PARD3B: variants seen among roughly 807,000 people sequenced by gnomAD.
The protein encoded by PARD3B is partitioning defective 3 homolog B.
A neutral mutation model predicts 130.2 loss-of-function variants in PARD3B; 103 were observed. That is an observed-to-expected ratio of 0.79 (90% CI 0.67 to 0.93). The LOEUF (loss-of-function observed/expected upper bound fraction) is 0.93. Ranked by LOEUF, PARD3B falls within the 40% of genes least tolerant of loss-of-function variation. The pLI is 0.00. For synonymous variants in PARD3B, 583 were observed against 553.2 expected (o/e 1.05, Z -0.76); for missense variants, 1,609 against 1,499.2 (o/e 1.07, Z -1.21).
At chr2:204,901,895 AG>A (rs1559242356) in intron 2 of PARD3B, among the ~76,000 whole-genome samples, 1 of 152,094 alleles carries the variant, frequency 6.6e-6, no homozygotes, top group East Asian at 1.9e-4. Flanking sequence ...AATGTTGTTT[AG>A]AAGCTATGCC....
At chr2:204,620,371 G>A (rs187931088) in intron 1 of PARD3B, among the ~76,000 whole-genome samples, 2 of 152,196 alleles carry the variant, frequency 1.3e-5, no homozygotes, top group African/African-American at 4.8e-5. Context: ...TGGGTTACAG[G>A]TGTGAGCCAC....
At chr2:204,579,959 T>C (rs928036346) in intron 1 of PARD3B, among the ~76,000 whole-genome samples, 2 of 152,258 alleles carry the variant, frequency 1.3e-5, no homozygotes, top group African/African-American at 4.8e-5. Flanking sequence ...TTGTGTTTCC[T>C]TGAATGACTC....
chr2:204,986,101 C>CA (rs371839271), intron 3 of PARD3B, among the ~76,000 whole-genome samples: 29,749 of 51,414 alleles, frequency 0.58, 8,084 homozygotes, highest in Admixed American at 0.65. Context: ...ACTCTGTCTC[C>CA]AAAAAAAAAA....
At chr2:204,792,402 T>A (rs949239376) in intron 2 of PARD3B, among the ~76,000 whole-genome samples, 1 of 144,072 alleles carries the variant, frequency 6.9e-6, no homozygotes, top group African/African-American at 3.0e-5. Flanking sequence ...AATCTTAAAA[T>A]AAATCACTGG....
intron 2 of PARD3B, among the ~76,000 whole-genome samples, chr2:204,793,609 G>A (rs1183069549): frequency 6.6e-6 from 1 of 152,144 alleles, no homozygotes; most frequent in East Asian, 1.9e-4. Context: ...CCAGGTTCAA[G>A]TGATTCTCCT....
Position 205,105,471 on chromosome 2 carries a change from T to A in PARD3B, c.593+957T>A, listed in dbSNP as rs1703133939. 6.6e-6 allele frequency among the ~76,000 whole-genome samples: 1 copy of A among 152,208 alleles called. No individual in the cohort carries two copies. The highest frequency in any genetic ancestry group is 1.5e-5 in the Non-Finnish European group (1 of 68,030). The stretch of plus-strand genomic sequence containing the variant: ...ATAATTATTCATGCAGTTGACGTAT[T>A]CCTTTCATTTAGTCCAAACAATTAA... On this transcript the variant is annotated intron_variant, in intron 5 of 22. Coordinates refer to ENST00000406610, the MANE Select transcript of PARD3B (RefSeq NM_001302769.2). The surrounding 1 kb of genome is among the most constrained non-coding windows in gnomAD (Gnocchi z 4.0).
At chr2:205,178,929 C>T (rs1302090660) in intron 13 of PARD3B, among the ~76,000 whole-genome samples, 1 of 152,150 alleles carries the variant, frequency 6.6e-6, no homozygotes, top group African/African-American at 2.4e-5. Context: ...TAACTGTAAA[C>T]AGCCTCAGGC....
chr2:205,027,493 T>A (rs1697119057), intron 3 of PARD3B, among the ~76,000 whole-genome samples: 1 of 152,152 alleles, frequency 6.6e-6, no homozygotes, highest in African/African-American at 2.4e-5. Flanking sequence ...TGCAAATAAT[T>A]TTTCCCAATT....
intron 13 of PARD3B, among the ~76,000 whole-genome samples, chr2:205,180,283 T>A: frequency 6.6e-6 from 1 of 151,764 alleles, no homozygotes; most frequent in Non-Finnish European, 1.5e-5. Context: ...TTCTTACTTT[T>A]TATGTAAGTC....
intron 2 of PARD3B, among the ~76,000 whole-genome samples, chr2:204,942,276 T>A (rs1688967203): frequency 6.6e-6 from 1 of 152,204 alleles, no homozygotes; most frequent in Non-Finnish European, 1.5e-5. Context: ...CTTTCCCTGT[T>A]TTTATAGTAA....
chr2:205,311,717 T>C (rs2042393054), intron 18 of PARD3B, among the ~76,000 whole-genome samples: 1 of 152,236 alleles, frequency 6.6e-6, no homozygotes, highest in South Asian at 2.1e-4. Context: ...CAATCATTTA[T>C]ATTTTATAAG....
chr2:205,365,073 G>A (rs888068870), intron 18 of PARD3B, among the ~76,000 whole-genome samples: 3 of 152,044 alleles, frequency 2.0e-5, no homozygotes, highest in Admixed American at 6.6e-5. Context: ...GGTGGCAGGC[G>A]CCTGTAATCC....
At chr2:205,092,010 C>T (rs373241454) in intron 4 of PARD3B, among the ~76,000 whole-genome samples, 2 of 152,202 alleles carry the variant, frequency 1.3e-5, no homozygotes, top group African/African-American at 4.8e-5. Flanking sequence ...TACCCAAAAA[C>T]CTTTCCCTTG....
chr2:205,096,161 T>A (rs900143185), intron 4 of PARD3B, among the ~76,000 whole-genome samples: 1 of 152,142 alleles, frequency 6.6e-6, no homozygotes, highest in Non-Finnish European at 1.5e-5. Flanking sequence ...AATTTTTATA[T>A]GTATGTTTAT....
In PARD3B at chr2:205,047,618, G is replaced by T; in HGVS notation, c.432G>T (p.Val144=). Residue 144 remains valine, a synonymous_variant, in exon 4 of 23, where the codon GTG becomes GTT. Transcript: ENST00000406610. ...PLLVRRSSDP[V]PGPPADTQPS... The stretch of plus-strand genomic sequence containing the variant: ...TGGTGAGGAGAAGCAGTGACCCAGT[G>T]CCAGGCCCACCTGCTGATACCCAGC... 1 of 1,550,548 alleles carries T rather than the reference G, an allele frequency of 6.4e-7. No homozygotes were observed.
intron 19 of PARD3B, among the ~76,000 whole-genome samples, chr2:205,408,905 C>A (rs1574947980): frequency 6.6e-6 from 1 of 152,092 alleles, no homozygotes; most frequent in Admixed American, 6.6e-5. Context: ...TACTAGTGAA[C>A]CCTGATCAGA....
rs1223446171 is a variant in PARD3B, at chr2:205,473,705, TATATACAC to T, written c.3045-26189_3045-26182del. 1.6e-5 allele frequency among the ~76,000 whole-genome samples: 2 copies of T among 125,030 alleles called. No individual in the cohort carries two copies. Among genetic ancestry groups the T allele is most frequent in the African/African-American group, 8.7e-5 (2 of 23,010 alleles). The allele number at this position is 125,030 out of a possible 152,430, so 82.0% of individuals were successfully genotyped here. A position where few individuals can be genotyped will look rare whatever the true frequency, so the allele number is the denominator to read the frequency against. On this transcript the variant is annotated intron_variant, in intron 20 of 22. Transcript: ENST00000406610. The surrounding 1 kb of genome is among the most constrained non-coding windows in gnomAD (Gnocchi z 4.9). ...GTATGTATATATATATATATATATA[TATATACAC>T]ACACACGTATATAAAACCCTAAATA...
Position 205,440,245 on chromosome 2 carries a change from C to A in PARD3B, c.2742-125C>A. On this transcript the variant is annotated intron_variant, in intron 19 of 22. Transcript: ENST00000406610. This position sits in a 1 kb window ranked among gnomAD's most constrained non-coding sequence, Gnocchi z 4.2. ...TGTTGGCATTTCTGCATGCTGTGAT[C>A]TTGAGTAAACAGGAGAATGACAGCT... 4 of 928,782 alleles carry A rather than the reference C, an allele frequency of 4.3e-6. No homozygotes were observed. The South Asian group carries it at 5.2e-5, about 12-fold the overall frequency. 57.5% of individuals were successfully genotyped at this position (928,782 alleles called of 1,614,324 possible). A position where few individuals can be genotyped will look rare whatever the true frequency, so the allele number is the denominator to read the frequency against.
intron 2 of PARD3B, among the ~76,000 whole-genome samples, chr2:204,918,382 G>A (rs1292971577): frequency 6.6e-6 from 1 of 152,152 alleles, no homozygotes; most frequent in African/African-American, 2.4e-5. Flanking sequence ...TGTAATCCCA[G>A]CACTTTGGGA....
Sources: gnomAD v4.1 joint callset for allele counts (sites outside exome capture counted in the v4.1 genomes callset) on GRCh38, gnomAD v4.1.1 for gene constraint, Gnocchi (gnomAD v3.1) non-coding constraint, MANE v1.5 for transcripts, NCBI Gene and HGNC (gene_info 2026-07-23, HGNC 2026-07-21) for gene names.